The following NOPCHAP1 variants were observed in gnomAD, a reference collection of about 807,000 sequenced individuals.
NOPCHAP1 encodes the protein NOP protein chaperone 1.
In NOPCHAP1, 13 loss-of-function variants were observed where a neutral mutation model predicts 14.0. The ratio of observed to expected loss-of-function variants is 0.93; its 90% CI spans 0.60 to 1.47. NOPCHAP1 has a LOEUF of 1.47. Ranked by LOEUF, NOPCHAP1 falls within the 40% of genes most tolerant of loss-of-function variation. The pLI, the probability that NOPCHAP1 is intolerant of heterozygous loss-of-function variation, is 0.00. For synonymous variants in NOPCHAP1, 78 were observed against 78.4 expected (o/e 1.00, Z 0.03); for missense variants, 230 against 226.9 (o/e 1.01, Z -0.09).
rs1279648621 is a variant in NOPCHAP1 at position 105,016,164 on chromosome 12, C to CT, written c.*21472dup. On this transcript the variant is annotated 3_prime_UTR_variant, in exon 4 of 4. Transcript: ENST00000552951. ...CAGAGTGTCATTAATATATCATGGG[C>CT]TTTTACATTTTAGAAAAAAATGACG... 1 of 151,716 alleles carries CT rather than the reference C, an allele frequency of 6.6e-6. No homozygotes were observed. Among genetic ancestry groups the CT allele is most frequent in the Non-Finnish European group, 1.5e-5 (1 of 67,954 alleles). The allele number at this position is 151,716 out of a possible 1,614,324, so 9.4% of individuals were successfully genotyped here.
In NOPCHAP1 at chr12:105,014,576, A is replaced by G. The variant is rs1350144793; in HGVS notation, c.*19880A>G. The G allele has an allele frequency of 6.6e-6, 1 of 152,162 alleles. No individual in the cohort carries two copies. Among genetic ancestry groups the G allele is most frequent in the Non-Finnish European group, 1.5e-5 (1 of 68,034 alleles). 9.4% of individuals were successfully genotyped at this position (152,162 alleles called of 1,614,324 possible). ...CTTTCTAGTTTGAGTTGGAAAACTGATGCTTGTAGTGTAATCACTGTTGGT... is the reference window on the plus strand; with the variant it reads ...CTTTCTAGTTTGAGTTGGAAAACTGGTGCTTGTAGTGTAATCACTGTTGGT... On this transcript the variant is annotated 3_prime_UTR_variant, in exon 4 of 4. Coordinates refer to ENST00000552951, the MANE Select transcript of NOPCHAP1 (RefSeq NM_152318.3).
rs11112291 is a variant in NOPCHAP1, at chr12:104,999,240, A to T, written c.*4544A>T. 0.097 allele frequency: 14,836 copies of T among 152,518 alleles called. 814 individuals are homozygous for T. Among genetic ancestry groups the T allele is most frequent in the African/African-American group, 0.14 (5,750 of 41,452 alleles). The allele number at this position is 152,518 out of a possible 1,614,324, so 9.4% of individuals were successfully genotyped here. On this transcript the variant is annotated 3_prime_UTR_variant, in exon 4 of 4. Transcript: ENST00000552951. ...GCAAAGTGATTCGGGGGTTGGCTGC[A>T]TGCCAGCGTCTGCAGGCAAGGTGCC... is the stretch of plus-strand genomic sequence containing the variant.
rs1873940177 is a variant in NOPCHAP1, at chr12:105,016,076, C to T, written c.*21380C>T. The T allele has an allele frequency of 6.9e-6, 1 of 145,942 alleles. No homozygotes were observed. Among genetic ancestry groups the T allele is most frequent in the Non-Finnish European group, 1.5e-5 (1 of 66,748 alleles). The allele number at this position is 145,942 out of a possible 1,614,324, so 9.0% of individuals were successfully genotyped here. On this transcript the variant is annotated 3_prime_UTR_variant, in exon 4 of 4. Transcript: ENST00000552951. The stretch of plus-strand genomic sequence containing the variant: ...AATTCATCCCCATAAATATTAAAAA[C>T]TAGTGTGTTGCAAATAAATTCAAAA...
Position 105,007,199 on chromosome 12 carries a change from AC to A in NOPCHAP1, c.*12506del, listed in dbSNP as rs1445283973. On this transcript the variant is annotated 3_prime_UTR_variant, in exon 4 of 4. Transcript: ENST00000552951. ...GTAGCCTTTTTGATAGCAATCCTGT[AC>A]CCACATAAAAGCTGCATTTTCAATA... The A allele has an allele frequency of 6.6e-6, 1 of 152,104 alleles. No homozygotes were observed. The highest frequency in any genetic ancestry group is 1.9e-4 in the East Asian group (1 of 5,190). The allele number at this position is 152,104 out of a possible 1,614,324, so 9.4% of individuals were successfully genotyped here. A position where few individuals can be genotyped will look rare whatever the true frequency, so the allele number is the denominator to read the frequency against.
intron 1 of NOPCHAP1, among the ~76,000 whole-genome samples, chr12:104,986,815 C>T (rs1419415902): frequency 6.6e-6 from 1 of 152,130 alleles, no homozygotes; most frequent in Non-Finnish European, 1.5e-5. Context: ...GGTTTGGCTG[C>T]CTGGGTCGGA....
rs1873904528 is a variant in NOPCHAP1 at position 105,014,379 on chromosome 12, G to A, written c.*19683G>A. On this transcript the variant is annotated 3_prime_UTR_variant, in exon 4 of 4. Transcript: ENST00000552951. ...AACTTTTTAATTTTTTTTAAGCCAT[G>A]CAGTTCATCTGTGAATTTTTTCAAA... is the stretch of plus-strand genomic sequence containing the variant. The A allele has an allele frequency of 6.6e-6, 1 of 152,044 alleles. No homozygotes were observed. Among genetic ancestry groups the A allele is most frequent in the South Asian group, 2.1e-4 (1 of 4,826 alleles). The allele number at this position is 152,044 out of a possible 1,614,324, so 9.4% of individuals were successfully genotyped here. A position where few individuals can be genotyped will look rare whatever the true frequency, so the allele number is the denominator to read the frequency against.
rs1592752737 is a variant in NOPCHAP1 at position 105,010,317 on chromosome 12, T to C, written c.*15621T>C. On this transcript the variant is annotated 3_prime_UTR_variant, in exon 4 of 4. Transcript: ENST00000552951. Reference sequence around the variant, plus strand: ...GTTTGTATTTCTGTGGGATCAGTGATGATATCCCCTTTATCATTTTTTATT... The same window carrying C: ...GTTTGTATTTCTGTGGGATCAGTGACGATATCCCCTTTATCATTTTTTATT... 6.6e-6 allele frequency: 1 copy of C among 152,222 alleles called. No individual in the cohort carries two copies. The highest frequency in any genetic ancestry group is 6.5e-5 in the Admixed American group (1 of 15,288). 9.4% of individuals were successfully genotyped at this position (152,222 alleles called of 1,614,324 possible).
rs1873731252 is a variant in NOPCHAP1, at chr12:105,007,522, G to A, written c.*12826G>A. 6.6e-6 allele frequency: 1 copy of A among 152,122 alleles called. No individual in the cohort carries two copies. The highest frequency in any genetic ancestry group is 1.5e-5 in the Non-Finnish European group (1 of 68,006). 9.4% of individuals were successfully genotyped at this position (152,122 alleles called of 1,614,324 possible). On this transcript the variant is annotated 3_prime_UTR_variant, in exon 4 of 4. Coordinates refer to ENST00000552951, the MANE Select transcript of NOPCHAP1 (RefSeq NM_152318.3). Reference sequence around the variant, plus strand: ...TCAAGGTTTACAATATTGCACTAAAGACGAAGAACATGCGATAACCATAAG... The same window carrying A: ...TCAAGGTTTACAATATTGCACTAAAAACGAAGAACATGCGATAACCATAAG...
At position 105,005,433 on chromosome 12, in the gene NOPCHAP1, G is replaced by A. The variant is rs1003183631; in HGVS notation, c.*10737G>A. Reference sequence around the variant, plus strand: ...TAGTGGTCTGCAGCCAGTCTGATTAGTTGCTGGGTGACCAATCAGAGGCTG... The same window carrying A: ...TAGTGGTCTGCAGCCAGTCTGATTAATTGCTGGGTGACCAATCAGAGGCTG... On this transcript the variant is annotated 3_prime_UTR_variant, in exon 4 of 4. Coordinates refer to ENST00000552951, the MANE Select transcript of NOPCHAP1 (RefSeq NM_152318.3). 2 of 152,244 alleles carry A rather than the reference G, an allele frequency of 1.3e-5. No homozygotes were observed. Among genetic ancestry groups the A allele is most frequent in the Non-Finnish European group, 2.9e-5 (2 of 68,054 alleles). 9.4% of individuals were successfully genotyped at this position (152,244 alleles called of 1,614,324 possible). A position where few individuals can be genotyped will look rare whatever the true frequency, so the allele number is the denominator to read the frequency against.
rs1358702246 is a variant in NOPCHAP1, at chr12:105,009,136, GT to G, written c.*14443del. On this transcript the variant is annotated 3_prime_UTR_variant, in exon 4 of 4. Transcript: ENST00000552951. ...ATGAGCATGGAATGTTTTTCCATTT[GT>G]TTGTGTCCTCTCTGATTTCTTTGAG... is the stretch of plus-strand genomic sequence containing the variant. The G allele has an allele frequency of 1.3e-5, 2 of 152,138 alleles. No homozygotes were observed. Among genetic ancestry groups the G allele is most frequent in the Admixed American group, 1.3e-4 (2 of 15,274 alleles). The allele number at this position is 152,138 out of a possible 1,614,324, so 9.4% of individuals were successfully genotyped here. A position where few individuals can be genotyped will look rare whatever the true frequency, so the allele number is the denominator to read the frequency against.
rs1255618933 is a variant in NOPCHAP1, at chr12:105,002,278, C to G, written c.*7582C>G. 1 of 152,156 alleles carries G rather than the reference C, an allele frequency of 6.6e-6. No individual in the cohort carries two copies. The highest frequency in any genetic ancestry group is 6.5e-5 in the Admixed American group (1 of 15,276). The allele number at this position is 152,156 out of a possible 1,614,324, so 9.4% of individuals were successfully genotyped here. A position where few individuals can be genotyped will look rare whatever the true frequency, so the allele number is the denominator to read the frequency against. ...TTTTCGACCTTTAGTCTTTTACTTA[C>G]TCTATTCTCTCAAAATGTTGGGCTA... On this transcript the variant is annotated 3_prime_UTR_variant, in exon 4 of 4. Transcript: ENST00000552951.
intron 2 of NOPCHAP1, among the ~76,000 whole-genome samples, chr12:104,990,247 C>G (rs1019562714): frequency 3.4e-4 from 52 of 152,148 alleles, no homozygotes; most frequent in African/African-American, 1.2e-3. Flanking sequence ...TAGAGTACCA[C>G]GGAATTATTT....
At position 105,013,531 on chromosome 12, in the gene NOPCHAP1, G is replaced by A. The variant is rs187176908; in HGVS notation, c.*18835G>A. On this transcript the variant is annotated 3_prime_UTR_variant, in exon 4 of 4. Transcript: ENST00000552951. ...GTTCCAGGCACCACTGGGGTATGAA[G>A]AAAAACTCCTGCAGCTAGCTCGGTG... The A allele has an allele frequency of 0.016, 2,458 of 153,908 alleles. 33 individuals are homozygous for A. Among genetic ancestry groups the A allele is most frequent in the Non-Finnish European group, 0.022 (1,550 of 69,434 alleles). 9.5% of individuals were successfully genotyped at this position (153,908 alleles called of 1,614,324 possible). A position where few individuals can be genotyped will look rare whatever the true frequency, so the allele number is the denominator to read the frequency against.
chr12:104,995,494 A>G lies in NOPCHAP1; in HGVS notation c.*798A>G, dbSNP rs980040715. 5 of 152,230 alleles carry G rather than the reference A, an allele frequency of 3.3e-5. No homozygotes were observed. The highest frequency in any genetic ancestry group is 1.2e-4 in the African/African-American group (5 of 41,456). 9.4% of individuals were successfully genotyped at this position (152,230 alleles called of 1,614,324 possible). A position where few individuals can be genotyped will look rare whatever the true frequency, so the allele number is the denominator to read the frequency against. On this transcript the variant is annotated 3_prime_UTR_variant, in exon 4 of 4. Transcript: ENST00000552951. ...AAGAGGAGATCTAAGGCTGCATGAT[A>G]TCCCATTAAGTGCTTTTGTTAAATG...
rs1873910209 is a variant in NOPCHAP1, at chr12:105,014,662, A to T, written c.*19966A>T. 2 of 147,998 alleles carry T rather than the reference A, an allele frequency of 1.4e-5. No individual in the cohort carries two copies. The highest frequency in any genetic ancestry group is 2.5e-5 in the African/African-American group (1 of 40,136). 9.2% of individuals were successfully genotyped at this position (147,998 alleles called of 1,614,324 possible). ...GGTTGGAAAGATCAGTTTTTAGTTG[A>T]TTTTTTTTTTTTTGTAAAGCAAAAC... On this transcript the variant is annotated 3_prime_UTR_variant, in exon 4 of 4. Transcript: ENST00000552951.
chr12:104,991,721 A>C lies in NOPCHAP1; in HGVS notation c.212A>C (p.Gln71Pro), dbSNP rs778597849. The change falls in exon 3 of 4, where the codon CAG (glutamine) becomes CCG (proline). Residue 71 changes from glutamine to proline, a missense_variant. By Grantham distance (76) the Gln-to-Pro change is moderately conservative. Transcript: ENST00000552951. ...TATTTACTTTCCACAGTATTGGACC[A>C]GGTACAGACATTTCTCCCACAGATG... ...VRIERSPLLD[Q>P]VQTFLPQMAR... 1 of 1,610,374 alleles carries C rather than the reference A, an allele frequency of 6.2e-7. No individual in the cohort carries two copies. The highest frequency in any genetic ancestry group is 8.5e-7 in the Non-Finnish European group (1 of 1,179,104).
At chr12:104,987,824 T>G (rs978893088) in intron 1 of NOPCHAP1, among the ~76,000 whole-genome samples, 8 of 152,218 alleles carry the variant, frequency 5.3e-5, no homozygotes, top group Non-Finnish European at 1.2e-4. Context: ...CTGGCTTCAC[T>G]TAACCATTGT....
rs545454564 is a variant in NOPCHAP1 at position 105,004,150 on chromosome 12, G to A, written c.*9454G>A. 6.6e-6 allele frequency: 1 copy of A among 152,214 alleles called. No homozygotes were observed. The highest frequency in any genetic ancestry group is 1.9e-4 in the East Asian group (1 of 5,180). The allele number at this position is 152,214 out of a possible 1,614,324, so 9.4% of individuals were successfully genotyped here. A position where few individuals can be genotyped will look rare whatever the true frequency, so the allele number is the denominator to read the frequency against. On this transcript the variant is annotated 3_prime_UTR_variant, in exon 4 of 4. Coordinates refer to ENST00000552951, the MANE Select transcript of NOPCHAP1 (RefSeq NM_152318.3). ...ATATAGCATTTGGATGTCTTCCCAG[G>A]GTAGAATGATCTTTATTCTCTTCTA...
In NOPCHAP1 at chr12:105,008,282, C is replaced by T. The variant is rs1164585826; in HGVS notation, c.*13586C>T. The T allele has an allele frequency of 6.6e-6, 1 of 152,188 alleles. No homozygotes were observed. Among genetic ancestry groups the T allele is most frequent in the Non-Finnish European group, 1.5e-5 (1 of 68,038 alleles). The allele number at this position is 152,188 out of a possible 1,614,324, so 9.4% of individuals were successfully genotyped here. A position where few individuals can be genotyped will look rare whatever the true frequency, so the allele number is the denominator to read the frequency against. The stretch of plus-strand genomic sequence containing the variant: ...TCATGTTTGTTGGCCGCATAAATGT[C>T]TTCTTTTGAGAAGTGTCTGTTCGTA... On this transcript the variant is annotated 3_prime_UTR_variant, in exon 4 of 4. Transcript: ENST00000552951.
Sources: allele counts gnomAD v4.1 joint callset (sites outside exome capture counted in the v4.1 genomes callset), GRCh38; gene constraint gnomAD v4.1.1; transcripts MANE v1.5; gene names NCBI Gene and HGNC (gene_info 2026-07-23, HGNC 2026-07-21).